The following TOP1 variants were observed in gnomAD, a reference collection of about 807,000 sequenced individuals.
TOP1 encodes DNA topoisomerase 1.
Under a neutral mutation model 111.1 loss-of-function variants are expected in TOP1, and 10 were observed. The ratio of observed to expected loss-of-function variants is 0.09; its 90% CI spans 0.06 to 0.15. The LOEUF (loss-of-function observed/expected upper bound fraction) is 0.15. TOP1 is among the 10% of genes least tolerant of loss of function. TOP1 has a pLI of 1.00. For missense variants in TOP1, 474 were observed against 926.7 expected (o/e 0.51, Z 6.34); for synonymous variants, 271 against 302.9 (o/e 0.89, Z 1.10).
chr20:41,096,532 C>G (rs190543599), intron 9 of TOP1, among the ~76,000 whole-genome samples: 10 of 152,252 alleles, frequency 6.6e-5, no homozygotes, highest in African/African-American at 2.2e-4. Flanking sequence ...GTTAAAAATG[C>G]AATTTCTGTA....
intron 2 of TOP1, among the ~76,000 whole-genome samples, chr20:41,042,396 G>T (rs1303862711): frequency 3.3e-5 from 5 of 152,188 alleles, no homozygotes; most frequent in Non-Finnish European, 2.9e-5. Flanking sequence ...TCCTACTTCA[G>T]TGTTTAACAA....
At chr20:41,043,800 G>A (rs2033298192) in intron 2 of TOP1, among the ~76,000 whole-genome samples, 1 of 152,198 alleles carries the variant, frequency 6.6e-6, no homozygotes, top group African/African-American at 2.4e-5. Context: ...TTCCTTAATG[G>A]AAGCAAAGGA....
Position 41,123,766 on chromosome 20 carries a change from A to C in TOP1, c.*469A>C, listed in dbSNP as rs1168645612. Reference sequence around the variant, plus strand: ...CCATTTCAGGAATTTAAAATTAAGTAGAACAAAAAACCCAGCGCACCTGTT... The same window carrying C: ...CCATTTCAGGAATTTAAAATTAAGTCGAACAAAAAACCCAGCGCACCTGTT... On this transcript the variant is annotated 3_prime_UTR_variant, in exon 21 of 21. Coordinates refer to ENST00000361337, the MANE Select transcript of TOP1 (RefSeq NM_003286.4). The surrounding 1 kb of genome is among the most constrained non-coding windows in gnomAD (Gnocchi z 5.8). The C allele has an allele frequency of 4.3e-6, 1 of 232,400 alleles. No individual in the cohort carries two copies. Among genetic ancestry groups the C allele is most frequent in the African/African-American group, 2.2e-5 (1 of 45,268 alleles). 14.4% of individuals were successfully genotyped at this position (232,400 alleles called of 1,614,324 possible).
rs2033805661 is a variant in TOP1 at position 41,082,910 on chromosome 20, A to G, written c.508-1552A>G. 6.6e-6 allele frequency among the ~76,000 whole-genome samples: 1 copy of G among 152,158 alleles called. No individual in the cohort carries two copies. The highest frequency in any genetic ancestry group is 2.4e-5 in the African/African-American group (1 of 41,422). On this transcript the variant is annotated intron_variant, in intron 7 of 20. Coordinates refer to ENST00000361337, the MANE Select transcript of TOP1 (RefSeq NM_003286.4). This position sits in a 1 kb window ranked among gnomAD's most constrained non-coding sequence, Gnocchi z 4.1. ...GTTTGTTAAACCATTGGGAAAAAAG[A>G]ACAGTTGACTTCATTTGTTATTATT...
chr20:41,113,658 A>G (rs1240292547), intron 14 of TOP1, among the ~76,000 whole-genome samples: 2 of 151,274 alleles, frequency 1.3e-5, no homozygotes, highest in Non-Finnish European at 2.9e-5. Flanking sequence ...CAGGTGGAAC[A>G]CGAGGTCAAG....
chr20:41,072,046 C>A (rs1369109584), intron 3 of TOP1, among the ~76,000 whole-genome samples: 1 of 152,196 alleles, frequency 6.6e-6, no homozygotes, highest in Non-Finnish European at 1.5e-5. Context: ...AGCCTTTCTT[C>A]TACTCTTAGA....
At chr20:41,103,018 T>C (rs2034088988) in intron 13 of TOP1, among the ~76,000 whole-genome samples, 1 of 152,208 alleles carries the variant, frequency 6.6e-6, no homozygotes, top group South Asian at 2.1e-4. Flanking sequence ...AAGCAGAGTA[T>C]GTTGAGGATA....
At chr20:41,038,806 G>A (rs1169890248) in intron 2 of TOP1, among the ~76,000 whole-genome samples, 1 of 152,040 alleles carries the variant, frequency 6.6e-6, no homozygotes, top group Non-Finnish European at 1.5e-5. Context: ...GGCAACATGG[G>A]AAAAACCTGT....
At position 41,118,604 on chromosome 20, in the gene TOP1, G is replaced by A. The variant is rs1339566290; in HGVS notation, c.1950+308G>A. Reference sequence around the variant, plus strand: ...ACTGTCCTTATTGTACATGAGGAAAGTGGATTTAAAGAGAGTCTTCATAAT... The same window carrying A: ...ACTGTCCTTATTGTACATGAGGAAAATGGATTTAAAGAGAGTCTTCATAAT... On this transcript the variant is annotated intron_variant, in intron 18 of 20. Transcript: ENST00000361337. The surrounding 1 kb of genome is among the most constrained non-coding windows in gnomAD (Gnocchi z 4.6). 6.6e-6 allele frequency among the ~76,000 whole-genome samples: 1 copy of A among 152,196 alleles called. No homozygotes were observed. Among genetic ancestry groups the A allele is most frequent in the African/African-American group, 2.4e-5 (1 of 41,460 alleles).
In TOP1 at chr20:41,028,914, C is replaced by T; in HGVS notation, c.-154C>T. 3.2e-6 allele frequency: 2 copies of T among 616,750 alleles called. No homozygotes were observed. Among genetic ancestry groups the T allele is most frequent in the Non-Finnish European group, 5.6e-6 (2 of 357,674 alleles). 38.2% of individuals were successfully genotyped at this position (616,750 alleles called of 1,614,324 possible). Reference sequence around the variant, plus strand: ...AGCGTCGCCGCCGTGGTAGCAGCCTCAGCCGTTTCTGGAGTCTCGGGCCCA... The same window carrying T: ...AGCGTCGCCGCCGTGGTAGCAGCCTTAGCCGTTTCTGGAGTCTCGGGCCCA... On this transcript the variant is annotated 5_prime_UTR_variant, in exon 1 of 21. Transcript: ENST00000361337.
intron 9 of TOP1, among the ~76,000 whole-genome samples, chr20:41,093,948 G>A (rs980194868): frequency 1.4e-4 from 21 of 152,284 alleles, no homozygotes; most frequent in East Asian, 1.2e-3. Context: ...AGCTACTCGG[G>A]AGGCTAAGGT....
chr20:41,054,406 C>G (rs750902490), intron 2 of TOP1, among the ~76,000 whole-genome samples: 1 of 152,144 alleles, frequency 6.6e-6, no homozygotes, highest in African/African-American at 2.4e-5. Flanking sequence ...TTTCCTGAGG[C>G]CTTCCCAGCT....
chr20:41,077,703 G>C, intron 5 of TOP1, 66 bp downstream of exon 5: 15 of 1,489,756 alleles, frequency 1.0e-5, no homozygotes, highest in Non-Finnish European at 1.4e-5. Flanking sequence ...TGCCTGTGTT[G>C]TAGTGTTGTC....
At position 41,095,867 on chromosome 20, in the gene TOP1, T is replaced by A. The variant is rs1389666875; in HGVS notation, c.731-1353T>A. Among the ~76,000 whole-genome samples the A allele has an allele frequency of 2.0e-5, 3 of 152,188 alleles. No individual in the cohort carries two copies. The highest frequency in any genetic ancestry group is 4.4e-5 in the Non-Finnish European group (3 of 68,034). ...CATGGATTGGTTCGAGGTGATGTTG[T>A]AAAGTTGGATTTTTAAGAAAGAATG... On this transcript the variant is annotated intron_variant, in intron 9 of 20. Coordinates refer to ENST00000361337, the MANE Select transcript of TOP1 (RefSeq NM_003286.4). The surrounding 1 kb of genome is among the most constrained non-coding windows in gnomAD (Gnocchi z 4.6).
At chr20:41,048,984 G>A (rs1030773247) in intron 2 of TOP1, among the ~76,000 whole-genome samples, 1 of 152,130 alleles carries the variant, frequency 6.6e-6, no homozygotes, top group Non-Finnish European at 1.5e-5. Context: ...AAGGGGTTGT[G>A]GAGAGACAGA....
rs2033757367 is a variant in TOP1, at chr20:41,078,797, C to CT, written c.335+1161dup. Among the ~76,000 whole-genome samples, 1 of 152,146 alleles carries CT rather than the reference C, an allele frequency of 6.6e-6. No homozygotes were observed. The highest frequency in any genetic ancestry group is 2.4e-5 in the African/African-American group (1 of 41,440). ...ACAGCCTTCTTTGAGGCAGTGGTCT[C>CT]TATGTTCACTTTGCTGGACTCCTTG... On this transcript the variant is annotated intron_variant, in intron 5 of 20. Coordinates refer to ENST00000361337, the MANE Select transcript of TOP1 (RefSeq NM_003286.4). This position sits in a 1 kb window ranked among gnomAD's most constrained non-coding sequence, Gnocchi z 5.3.
intron 2 of TOP1, among the ~76,000 whole-genome samples, chr20:41,045,309 G>T (rs764575433): frequency 2.0e-5 from 3 of 152,112 alleles, no homozygotes; most frequent in Admixed American, 6.5e-5. Flanking sequence ...CCAAAGACAC[G>T]TGTGAATTTG....
chr20:41,099,114 A>G (rs1399471093), intron 11 of TOP1, among the ~76,000 whole-genome samples: 2 of 152,222 alleles, frequency 1.3e-5, no homozygotes, highest in Non-Finnish European at 2.9e-5. Context: ...CTGTAGTTTC[A>G]GTATTTTAAA....
In TOP1 at chr20:41,092,167, C is replaced by T. The variant is rs754875230; in HGVS notation, c.615-305C>T. Among the ~76,000 whole-genome samples, 2 of 152,220 alleles carry T rather than the reference C, an allele frequency of 1.3e-5. No homozygotes were observed. The highest frequency in any genetic ancestry group is 2.9e-5 in the Non-Finnish European group (2 of 68,034). On this transcript the variant is annotated intron_variant, in intron 8 of 20. Transcript: ENST00000361337. This position sits in a 1 kb window ranked among gnomAD's most constrained non-coding sequence, Gnocchi z 4.3. The stretch of plus-strand genomic sequence containing the variant: ...GCCATTGTGGTAAAACAACTGTTTA[C>T]ATTTTCAAGTCCCTCACTTGTTACT...
Sources: allele counts gnomAD v4.1 joint callset (sites outside exome capture counted in the v4.1 genomes callset), GRCh38; gene constraint gnomAD v4.1.1; non-coding constraint Gnocchi (gnomAD v3.1); transcripts MANE v1.5; gene names NCBI Gene and HGNC (gene_info 2026-07-23, HGNC 2026-07-21).